The following TYW1 variants were observed in gnomAD, a reference collection of about 807,000 sequenced individuals.
TYW1 encodes tRNA-yW synthesizing protein 1 homolog, also known as S-adenosyl-L-methionine-dependent tRNA 4-demethylwyosine synthase TYW1.
TYW1 carries 46 observed loss-of-function variants against 96.2 expected under a neutral mutation model. The observed-to-expected ratio is 0.48, with a 90% CI of 0.38 to 0.61. TYW1 has a LOEUF of 0.61. Ranked by LOEUF, TYW1 falls within the 20% of genes least tolerant of loss-of-function variation. The pLI is 0.00. For synonymous variants in TYW1, 274 were observed against 323.0 expected (o/e 0.85, Z 1.63); for missense variants, 684 against 909.6 (o/e 0.75, Z 3.19).
chr7:67,139,115 C>T (rs533743963), intron 13 of TYW1, among the ~76,000 whole-genome samples: 28 of 152,110 alleles, frequency 1.8e-4, no homozygotes, highest in South Asian at 1.7e-3. Context: ...GTGCAGTGGC[C>T]GATCTCGGCT....
intron 6 of TYW1, among the ~76,000 whole-genome samples, chr7:67,024,461 C>T (rs1412381587): frequency 6.6e-6 from 1 of 151,994 alleles, no homozygotes; most frequent in Non-Finnish European, 1.5e-5. Flanking sequence ...GCCACCATGC[C>T]CAGCCTAGAT....
chr7:67,006,094 C>T (rs367592276), intron 3 of TYW1, among the ~76,000 whole-genome samples: 14 of 152,108 alleles, frequency 9.2e-5, no homozygotes, highest in African/African-American at 2.7e-4. Flanking sequence ...AATCTTACGT[C>T]GGATCGTAGT....
chr7:67,001,898 G>A (rs1402195332), intron 3 of TYW1, among the ~76,000 whole-genome samples: 1 of 151,942 alleles, frequency 6.6e-6, no homozygotes, highest in East Asian at 2.0e-4. Context: ...GCTGGGCGTG[G>A]TGGTGCACGT....
intron 13 of TYW1, 108 bp from the exon 14 acceptor site, chr7:67,183,018 G>A (rs982907706): frequency 5.9e-6 from 5 of 853,684 alleles, no homozygotes; most frequent in Non-Finnish European, 8.6e-6. Flanking sequence ...TTCATGATGA[G>A]TTTTGCCTGC....
At chr7:67,198,778 C>CT (rs1252555187) in intron 15 of TYW1, among the ~76,000 whole-genome samples, 1 of 152,186 alleles carries the variant, frequency 6.6e-6, no homozygotes, top group Admixed American at 6.5e-5. Flanking sequence ...TAGGCAGATA[C>CT]TATATTTTCT....
At chr7:67,089,533 C>A in intron 11 of TYW1, 1 of 694,726 alleles carries the variant, frequency 1.4e-6, no homozygotes. Context: ...GGTGAGTTCC[C>A]ACCCCATGAC....
intron 12 of TYW1, among the ~76,000 whole-genome samples, chr7:67,104,078 T>C (rs1797168966): frequency 1.3e-5 from 2 of 152,212 alleles, no homozygotes; most frequent in Admixed American, 1.3e-4. Flanking sequence ...TGGTATCTTT[T>C]CAGGGGAATC....
intron 4 of TYW1, among the ~76,000 whole-genome samples, chr7:67,011,815 G>A (rs372518615): frequency 2.6e-5 from 4 of 151,516 alleles, no homozygotes; most frequent in African/African-American, 9.7e-5. Flanking sequence ...GGAGGTCGCA[G>A]TGAGCCAAGA....
chr7:67,226,265 G>A (rs551288427), intron 15 of TYW1, among the ~76,000 whole-genome samples: 4 of 152,140 alleles, frequency 2.6e-5, no homozygotes, highest in African/African-American at 9.7e-5. Flanking sequence ...CCTCCTTCTT[G>A]CTAGGGACCC....
Position 67,089,804 on chromosome 7 carries a change from A to G in TYW1, c.1384+6265A>G, listed in dbSNP as rs555470036. Among the ~76,000 whole-genome samples the G allele has an allele frequency of 2.0e-5, 3 of 152,314 alleles. No individual in the cohort carries two copies. In the East Asian group the frequency reaches 5.8e-4, roughly 29 times the overall value. ...TGACCTTTATTAGCGTTCCTTTTAT[A>G]TACATACAAAATTAACTTTGCATTG... On this transcript the variant is annotated intron_variant, in intron 11 of 15. Coordinates refer to ENST00000359626, the MANE Select transcript of TYW1 (RefSeq NM_018264.4).
chr7:67,028,600 A>G (rs1794538165), intron 7 of TYW1, among the ~76,000 whole-genome samples: 1 of 152,228 alleles, frequency 6.6e-6, no homozygotes, highest in African/African-American at 2.4e-5. Flanking sequence ...TTCAGAATAT[A>G]ATAACAAAAC....
chr7:67,123,135 A>C (rs1797810495), intron 13 of TYW1, among the ~76,000 whole-genome samples: 2 of 151,498 alleles, frequency 1.3e-5, no homozygotes, highest in South Asian at 4.2e-4. Context: ...GTTTATTTCC[A>C]CCTCTCATCA....
At chr7:67,112,120 A>AAAAAAAAAAAAAAG (rs1424171580) in intron 12 of TYW1, among the ~76,000 whole-genome samples, 4 of 148,692 alleles carry the variant, frequency 2.7e-5, no homozygotes, top group African/African-American at 4.9e-5. Flanking sequence ...AAAAAAAAAA[A>AAAAAAAAAAAAAAG]AAAGAAAGTG....
chr7:67,163,458 A>G (rs991198540), intron 13 of TYW1, among the ~76,000 whole-genome samples: 1 of 152,026 alleles, frequency 6.6e-6, no homozygotes, highest in African/African-American at 2.4e-5. Context: ...CACAGATGAT[A>G]TCTTCCTGCA....
chr7:67,035,201 T>G (rs2129252733), intron 7 of TYW1, among the ~76,000 whole-genome samples: 1 of 151,692 alleles, frequency 6.6e-6, no homozygotes, highest in East Asian at 1.9e-4. Context: ...TCACTGCAAC[T>G]TCCGCCTCCC....
chr7:67,155,661 T>C (rs1798946271), intron 13 of TYW1, among the ~76,000 whole-genome samples: 2 of 152,080 alleles, frequency 1.3e-5, no homozygotes, highest in Non-Finnish European at 1.5e-5. Context: ...CAGGTTCAAG[T>C]GATTCTCATG....
At chr7:67,133,656 G>T in intron 13 of TYW1, among the ~76,000 whole-genome samples, 1 of 136,308 alleles carries the variant, frequency 7.3e-6, no homozygotes, top group African/African-American at 3.0e-5. Context: ...GGAATTACAG[G>T]TGTGAGCCAC....
At chr7:67,032,324 A>G (rs1474148108) in intron 7 of TYW1, among the ~76,000 whole-genome samples, 1 of 152,030 alleles carries the variant, frequency 6.6e-6, no homozygotes, top group Admixed American at 6.6e-5. Flanking sequence ...AGGACAGATA[A>G]ACAGAAGTAG....
chr7:67,195,895 T>TAG, intron 15 of TYW1, among the ~76,000 whole-genome samples: 1 of 149,274 alleles, frequency 6.7e-6, no homozygotes, highest in Non-Finnish European at 1.5e-5. Flanking sequence ...CAGTTCTTGA[T>TAG]AGAGGTGGGC....
Sources: gnomAD v4.1 joint callset for allele counts (sites outside exome capture counted in the v4.1 genomes callset) on GRCh38, gnomAD v4.1.1 for gene constraint, MANE v1.5 for transcripts, NCBI Gene and HGNC (gene_info 2026-07-23, HGNC 2026-07-21) for gene names.